The following ZNF841 variants were observed in gnomAD, a reference collection of about 807,000 sequenced individuals.
ZNF841 encodes TCONS_00006091.
ZNF841 carries 11 observed loss-of-function variants against 13.0 expected under a neutral mutation model. The ratio of observed to expected loss-of-function variants is 0.85; its 90% CI spans 0.53 to 1.40. ZNF841 has a LOEUF of 1.40. Among genes scored for constraint, ZNF841 ranks in the 40% most tolerant of loss-of-function variants. The pLI is 0.00. For missense variants in ZNF841, 1,068 were observed against 1,139.5 expected (o/e 0.94, Z 0.90); for synonymous variants, 369 against 381.6 (o/e 0.97, Z 0.38).
chr19:52,074,602 CG>C (rs1332210275), intron 6 of ZNF841, among the ~76,000 whole-genome samples: 1 of 152,158 alleles, frequency 6.6e-6, no homozygotes. Context: ...CTACAACCTC[CG>C]CCTCCCAGAT....
chr19:52,062,229 A>G (rs2087415004), downstream of ZNF841, among the ~76,000 whole-genome samples: 1 of 152,170 alleles, frequency 6.6e-6, no homozygotes. Flanking sequence ...TCAATTTACA[A>G]AGATGATTTG....
intron 4 of ZNF841, among the ~76,000 whole-genome samples, chr19:52,079,431 T>TAA (rs35306980): frequency 2.0e-3 from 169 of 83,126 alleles, no homozygotes; most frequent in Middle Eastern, 0.01. Context: ...AGGAAATCTG[T>TAA]AAAAAAAAAA....
chr19:52,071,413 T>C (rs2087734837), intron 6 of ZNF841, among the ~76,000 whole-genome samples: 1 of 152,104 alleles, frequency 6.6e-6, no homozygotes, highest in African/African-American at 2.4e-5. Flanking sequence ...ACTTTACTGA[T>C]AGTACAAGAA....
At chr19:52,084,540 C>T (rs2088206249) in intron 4 of ZNF841, among the ~76,000 whole-genome samples, 1 of 152,196 alleles carries the variant, frequency 6.6e-6, no homozygotes, top group Non-Finnish European at 1.5e-5. Context: ...ACCCTGTCTC[C>T]ATCCATGTCT....
At chr19:52,069,229 T>C (rs1168264530) in intron 6 of ZNF841, among the ~76,000 whole-genome samples, 2 of 152,102 alleles carry the variant, frequency 1.3e-5, no homozygotes, top group African/African-American at 4.8e-5. Flanking sequence ...CATGCCATCA[T>C]GCCCGGTTAA....
chr19:52,067,306 C>G lies in ZNF841; in HGVS notation c.576G>C (p.Leu192=). 1 of 1,551,772 alleles carries G rather than the reference C, an allele frequency of 6.4e-7. No homozygotes were observed. The change falls in exon 7 of 7, where the codon CTG becomes CTC. Residue 192 remains leucine, a synonymous_variant. Coordinates refer to ENST00000594440, the MANE Select transcript of ZNF841 (RefSeq NM_001136499.2). ...CAGTTTGAAATTTCTGCAATTCACCCAGACCGGACTGAAACCTTAATATAA... is the reference window on the plus strand; with the variant it reads ...CAGTTTGAAATTTCTGCAATTCACCGAGACCGGACTGAAACCTTAATATAA... ...NQLILRFQSG[L]GELQKFQTAE...
intron 6 of ZNF841, among the ~76,000 whole-genome samples, chr19:52,071,170 C>T (rs17779382): frequency 0.46 from 69,257 of 152,000 alleles, 18,334 homozygotes; most frequent in African/African-American, 0.72. Context: ...AAAAAGGAGG[C>T]GGTGTGATGA....
intron 6 of ZNF841, among the ~76,000 whole-genome samples, chr19:52,073,589 A>G (rs1437305049): frequency 2.6e-5 from 4 of 152,208 alleles, no homozygotes; most frequent in Non-Finnish European, 5.9e-5. Flanking sequence ...GATTACAGGC[A>G]TGAGCCATTG....
At chr19:52,090,219 C>T in intron 2 of ZNF841, among the ~76,000 whole-genome samples, 1 of 152,022 alleles carries the variant, frequency 6.6e-6, no homozygotes, top group East Asian at 1.9e-4. Context: ...CAGATTTAAC[C>T]AGTGAAGTAA....
chr19:52,078,515 C>A (rs1037974004), intron 4 of ZNF841, among the ~76,000 whole-genome samples: 1 of 151,796 alleles, frequency 6.6e-6, no homozygotes, highest in Non-Finnish European at 1.5e-5. Context: ...CTGGCTAACA[C>A]GGTGAAACCC....
chr19:52,064,339 C>T (rs1157114679), downstream of ZNF841: 5 of 102,552 alleles, frequency 4.9e-5, no homozygotes, highest in African/African-American at 1.8e-4. Flanking sequence ...GGCGACAGAG[C>T]GAGACTCCGT....
chr19:52,062,195 C>T (rs75788509), downstream of ZNF841, among the ~76,000 whole-genome samples: 13,414 of 152,198 alleles, frequency 0.088, 815 homozygotes, highest in South Asian at 0.12. Flanking sequence ...GCCTGGGCAA[C>T]AGGGTGGTGA....
chr19:52,067,034 T>C lies in ZNF841; in HGVS notation c.848A>G (p.His283Arg), dbSNP rs1357828192. 3.7e-6 allele frequency: 6 copies of C among 1,613,512 alleles called. No homozygotes were observed. In the Admixed American group the frequency reaches 8.3e-5, roughly 22 times the overall value. ...SSSLINHQMIHTTEKPYRCNE... is the reference protein window; with the variant it reads ...SSSLINHQMIRTTEKPYRCNE... ...GCATCTGTAAGGTTTCTCTGTAGTA[T>C]GTATCATCTGATGATTAATAAGACT... Residue 283 changes from histidine (H) to arginine (R), a missense_variant, in exon 7 of 7, where the codon CAT becomes CGT. Coordinates refer to ENST00000594440, the MANE Select transcript of ZNF841 (RefSeq NM_001136499.2).
intron 3 of ZNF841, 133 bp from the exon 4 acceptor site, chr19:52,085,011 A>G: frequency 1.8e-6 from 1 of 564,414 alleles, no homozygotes; most frequent in Non-Finnish European, 3.1e-6. Flanking sequence ...AGCATAATAA[A>G]CTCCTACACA....
At chr19:52,095,106 A>G (rs1227166458) in intron 1 of ZNF841, among the ~76,000 whole-genome samples, 1 of 152,172 alleles carries the variant, frequency 6.6e-6, no homozygotes, top group Non-Finnish European at 1.5e-5. Context: ...CCGGAAGAGC[A>G]CATTTTCCAG....
the ZNF841 span, chr19:52,058,919 AT>A: frequency 4.6e-5 from 7 of 153,484 alleles, no homozygotes; most frequent in Non-Finnish European, 7.4e-5. Context: ...TCTCAAAAAA[AT>A]AATTGTTATT....
intron 3 of ZNF841, among the ~76,000 whole-genome samples, chr19:52,086,503 A>G (rs949305649): frequency 6.6e-6 from 1 of 152,230 alleles, no homozygotes; most frequent in Non-Finnish European, 1.5e-5. Context: ...TGCAGCCTGC[A>G]GAACTGTGAG....
At chr19:52,095,375 G>A (rs992893152) in intron 1 of ZNF841, among the ~76,000 whole-genome samples, 200 bp downstream of exon 1, 1 of 152,154 alleles carries the variant, frequency 6.6e-6, no homozygotes, top group Non-Finnish European at 1.5e-5. Flanking sequence ...GGCAGACGAC[G>A]GAGGAGCTCG....
rs748022636 is a variant in ZNF841 at position 52,066,959 on chromosome 19, T to C, written c.923A>G (p.Gln308Arg). The C allele has an allele frequency of 6.2e-7, 1 of 1,614,170 alleles. No homozygotes were observed. Among genetic ancestry groups the C allele is most frequent in the Non-Finnish European group, 8.5e-7 (1 of 1,180,014 alleles). The change falls in exon 7 of 7, where the codon CAG (glutamine) becomes CGG (arginine). Residue 308 changes from glutamine (Q) to arginine (R), a missense_variant. Gln to Arg is a conservative substitution (Grantham distance 43, BLOSUM62 1). Coordinates refer to ENST00000594440, the MANE Select transcript of ZNF841 (RefSeq NM_001136499.2). Reference sequence around the variant, plus strand: ...TGGTTTCCCTCTTGTATGGACTATCTGATGTACTGTTAGTAGTGAGCCCCG... The same window carrying C: ...TGGTTTCCCTCTTGTATGGACTATCCGATGTACTGTTAGTAGTGAGCCCCG... ...FHRGSLLTVHQIVHTRGKPYQ... is the reference protein window; with the variant it reads ...FHRGSLLTVHRIVHTRGKPYQ...
Sources: allele counts gnomAD v4.1 joint callset (sites outside exome capture counted in the v4.1 genomes callset), GRCh38; gene constraint gnomAD v4.1.1; transcripts MANE v1.5; gene names NCBI Gene and HGNC (gene_info 2026-07-23, HGNC 2026-07-21).